Variants in LPP observed in about 807,000 individuals in gnomAD.
The protein encoded by LPP is LIM domain containing preferred translocation partner in lipoma.
In LPP, 38 loss-of-function variants were observed where a neutral mutation model predicts 60.4. The observed-to-expected ratio is 0.63, with a 90% CI of 0.49 to 0.83. LPP has a LOEUF of 0.83. LPP is among the 40% of genes least tolerant of loss of function. The probability of loss-of-function intolerance (pLI) is 0.00; values close to 1 mark genes in which losing one functional copy is unlikely to be tolerated. For missense variants in LPP, 902 were observed against 783.6 expected (o/e 1.15, Z -1.80); for synonymous variants, 328 against 290.8 (o/e 1.13, Z -1.30).
intron 2 of LPP, among the ~76,000 whole-genome samples, chr3:188,290,910 C>T (rs1412065065): frequency 6.6e-6 from 1 of 152,152 alleles, no homozygotes; most frequent in African/African-American, 2.4e-5. Flanking sequence ...CTGGGTCTGT[C>T]CTCAGAGCTC....
intron 5 of LPP, among the ~76,000 whole-genome samples, chr3:188,492,749 T>C (rs1444733485): frequency 6.6e-6 from 1 of 152,142 alleles, no homozygotes; most frequent in African/African-American, 2.4e-5. Context: ...CGATGTAGAT[T>C]AGATATTTTC....
chr3:188,669,358 C>G (rs183886826), intron 7 of LPP, among the ~76,000 whole-genome samples: 7 of 152,168 alleles, frequency 4.6e-5, no homozygotes, highest in African/African-American at 1.4e-4. Context: ...GGGCGGATCA[C>G]GAAGTCAGGA....
chr3:188,592,546 G>GTTTAGTTTTTTTTTT (rs1560607242), intron 6 of LPP, among the ~76,000 whole-genome samples: 19 of 98,374 alleles, frequency 1.9e-4, no homozygotes, highest in Admixed American at 1.4e-3. Flanking sequence ...ACTGTTTTTA[G>GTTTAGTTTTTTTTTT]TTTTGTTTTT....
At chr3:188,493,031 A>G (rs1808860271) in intron 5 of LPP, among the ~76,000 whole-genome samples, 1 of 152,158 alleles carries the variant, frequency 6.6e-6, no homozygotes, top group Non-Finnish European at 1.5e-5. Flanking sequence ...TTTTTCTTGT[A>G]TTCATCATCT....
At chr3:188,367,857 T>C (rs1771682765) in intron 3 of LPP, among the ~76,000 whole-genome samples, 1 of 152,246 alleles carries the variant, frequency 6.6e-6, no homozygotes, top group South Asian at 2.1e-4. Flanking sequence ...ATTTATTTTA[T>C]AATGGAACCA....
intron 7 of LPP, among the ~76,000 whole-genome samples, chr3:188,662,251 C>T (rs1279026237): frequency 2.6e-5 from 4 of 152,214 alleles, no homozygotes. Context: ...TTGAATTAAA[C>T]TTGCTAGCCT....
intron 1 of LPP, among the ~76,000 whole-genome samples, chr3:188,177,462 A>T (rs763315122): frequency 1.3e-5 from 2 of 152,114 alleles, no homozygotes; most frequent in Non-Finnish European, 2.9e-5. Context: ...TACAGGATTG[A>T]TCCTGCCACC....
intron 9 of LPP, among the ~76,000 whole-genome samples, chr3:188,792,440 A>G (rs1004511641): frequency 6.6e-5 from 10 of 152,142 alleles, no homozygotes; most frequent in African/African-American, 2.4e-4. Flanking sequence ...AGAAGCAACA[A>G]TCCAAATCCT....
At chr3:188,316,277 T>A (rs989698483) in intron 2 of LPP, among the ~76,000 whole-genome samples, 3 of 151,994 alleles carry the variant, frequency 2.0e-5, no homozygotes, top group African/African-American at 7.2e-5. Context: ...AAACTCTGTC[T>A]CAAAAAAACA....
rs186209345 is a variant in LPP, at chr3:188,275,296, C to T, written c.-67+49769C>T. Among the ~76,000 whole-genome samples, 50 of 152,228 alleles carry T rather than the reference C, an allele frequency of 3.3e-4. 1 individual carries two copies. The South Asian group carries it at 5.2e-3, about 16-fold the overall frequency. The stretch of plus-strand genomic sequence containing the variant: ...ACTTCTTTTCCTTTGTCCTAGAGTG[C>T]GGGTCAATCTAATTCAAGTTTGGTG... On this transcript the variant is annotated intron_variant, in intron 2 of 11. Coordinates refer to ENST00000617246, the MANE Select transcript of LPP (RefSeq NM_001375462.1).
At chr3:188,416,133 G>C (rs1208192126) in intron 4 of LPP, among the ~76,000 whole-genome samples, 1 of 151,994 alleles carries the variant, frequency 6.6e-6, no homozygotes, top group African/African-American at 2.4e-5. Flanking sequence ...TAAAATAAAG[G>C]AATGCATATA....
chr3:188,435,395 T>C (rs1175573274), intron 4 of LPP, among the ~76,000 whole-genome samples: 1 of 152,182 alleles, frequency 6.6e-6, no homozygotes, highest in African/African-American at 2.4e-5. Flanking sequence ...AATGATCCAT[T>C]GCCCACATTT....
At chr3:188,165,069 C>T (rs1201885541) in intron 1 of LPP, among the ~76,000 whole-genome samples, 1 of 151,868 alleles carries the variant, frequency 6.6e-6, no homozygotes, top group Admixed American at 6.6e-5. Context: ...GCCCGGAGTT[C>T]AAGACCATCC....
intron 9 of LPP, among the ~76,000 whole-genome samples, chr3:188,778,942 T>C (rs1738691841): frequency 6.6e-6 from 1 of 152,230 alleles, no homozygotes; most frequent in Non-Finnish European, 1.5e-5. Flanking sequence ...TTGAGTGTGA[T>C]ACTTATAAAA....
At chr3:188,277,744 A>T (rs1179671392) in intron 2 of LPP, among the ~76,000 whole-genome samples, 2 of 152,150 alleles carry the variant, frequency 1.3e-5, no homozygotes, top group East Asian at 3.9e-4. Flanking sequence ...TTGGAGCTAC[A>T]TTTAACACTC....
At chr3:188,628,392 C>T (rs1847245977) in intron 7 of LPP, among the ~76,000 whole-genome samples, 1 of 151,766 alleles carries the variant, frequency 6.6e-6, no homozygotes, top group Non-Finnish European at 1.5e-5. Flanking sequence ...ACCAAATAAA[C>T]ACACTCTGAA....
At chr3:188,854,645 G>C (rs917127363) in intron 9 of LPP, among the ~76,000 whole-genome samples, 1 of 152,164 alleles carries the variant, frequency 6.6e-6, no homozygotes, top group Non-Finnish European at 1.5e-5. Context: ...TGTTCTCTTT[G>C]CCACTCCCAG....
intron 4 of LPP, among the ~76,000 whole-genome samples, chr3:188,466,433 A>G (rs932047188): frequency 1.1e-4 from 16 of 152,138 alleles, no homozygotes; most frequent in African/African-American, 3.9e-4. Flanking sequence ...ATCATAAACC[A>G]TCAGTGTCGA....
At chr3:188,394,450 A>G (rs935715102) in intron 3 of LPP, among the ~76,000 whole-genome samples, 1 of 152,172 alleles carries the variant, frequency 6.6e-6, no homozygotes, top group Non-Finnish European at 1.5e-5. Context: ...TGAGCTCCAC[A>G]TTAGATAAAA....
Sources: allele counts gnomAD v4.1 joint callset (sites outside exome capture counted in the v4.1 genomes callset), GRCh38; gene constraint gnomAD v4.1.1; transcripts MANE v1.5; gene names NCBI Gene and HGNC (gene_info 2026-07-23, HGNC 2026-07-21).